SPATA16: variants seen among roughly 807,000 people sequenced by gnomAD.
SPATA16 encodes the protein spermatogenesis-associated protein 16.
A neutral mutation model predicts 63.3 loss-of-function variants in SPATA16; 36 were observed. The ratio of observed to expected loss-of-function variants is 0.57; its 90% confidence interval spans 0.44 to 0.75. The LOEUF (loss-of-function observed/expected upper bound fraction) is 0.75, where lower values mean the gene tolerates loss of function less well. Among genes scored for constraint, SPATA16 ranks in the 30% least tolerant of loss-of-function variants. The pLI is 0.00. For synonymous variants in SPATA16, 203 were observed against 216.7 expected (o/e 0.94, Z 0.56); for missense variants, 646 against 679.3 (o/e 0.95, Z 0.54).
Position 172,980,780 on chromosome 3 carries a change from A to C in SPATA16, c.849-3728T>G, listed in dbSNP as rs191528031. On this transcript the variant is annotated intron_variant, in intron 4 of 10. Coordinates refer to ENST00000351008, the MANE Select transcript of SPATA16 (RefSeq NM_031955.6). ...TGTTTCTTCCTTTTAAAAACAAAAC[A>C]AAATACCCCAAAAGCTTCTCTTGCT... is the stretch of plus-strand genomic sequence containing the variant. 4.9e-3 allele frequency among the ~76,000 whole-genome samples: 753 copies of C among 152,330 alleles called. 4 individuals carry two copies. Among genetic ancestry groups the C allele is most frequent in the African/African-American group, 0.017 (726 of 41,564 alleles).
intron 2 of SPATA16, among the ~76,000 whole-genome samples, chr3:173,079,441 A>G (rs1350223156): frequency 6.6e-6 from 1 of 152,098 alleles, no homozygotes; most frequent in African/African-American, 2.4e-5. Flanking sequence ...TATTGCTAAA[A>G]TAACATTTTT....
chr3:173,120,486 A>G (rs1006749391), intron 1 of SPATA16, among the ~76,000 whole-genome samples: 2 of 152,184 alleles, frequency 1.3e-5, no homozygotes, highest in African/African-American at 2.4e-5. Flanking sequence ...GATACCTCCC[A>G]GGTATCTTAT....
chr3:173,019,716 C>A, intron 3 of SPATA16, 141 bp from the exon 4 acceptor site: 3 of 740,224 alleles, frequency 4.1e-6, no homozygotes, highest in East Asian at 2.7e-5. Context: ...CCCTTCCCCG[C>A]CCCCCGTAAT....
intron 10 of SPATA16, among the ~76,000 whole-genome samples, chr3:172,897,495 T>G (rs537941964): frequency 6.6e-6 from 1 of 152,274 alleles, no homozygotes; most frequent in East Asian, 1.9e-4. Context: ...GGCATACAAT[T>G]CATGTAGATG....
At chr3:173,001,945 T>C (rs551470571) in intron 4 of SPATA16, among the ~76,000 whole-genome samples, 31 of 152,246 alleles carry the variant, frequency 2.0e-4, no homozygotes, top group Non-Finnish European at 3.7e-4. Context: ...TGGTATTTAC[T>C]CATATTGATT....
intron 1 of SPATA16, among the ~76,000 whole-genome samples, chr3:173,127,088 G>T (rs1487516053): frequency 6.6e-6 from 1 of 152,148 alleles, no homozygotes; most frequent in Non-Finnish European, 1.5e-5. Context: ...TTACAGAAAA[G>T]TTGTACGAAT....
At chr3:173,090,668 G>A (rs977978190) in intron 2 of SPATA16, among the ~76,000 whole-genome samples, 2 of 152,264 alleles carry the variant, frequency 1.3e-5, no homozygotes, top group East Asian at 1.9e-4. Context: ...ACTGAATTGC[G>A]GTAGCATTTT....
At chr3:172,893,616 T>G (rs887221694) in intron 10 of SPATA16, among the ~76,000 whole-genome samples, 1 of 152,226 alleles carries the variant, frequency 6.6e-6, no homozygotes, top group Non-Finnish European at 1.5e-5. Context: ...GGAAGAGCAA[T>G]TAAGTTATAA....
At chr3:172,929,384 T>G (rs1317315252) in intron 6 of SPATA16, among the ~76,000 whole-genome samples, 2 of 152,186 alleles carry the variant, frequency 1.3e-5, no homozygotes, top group Non-Finnish European at 2.9e-5. Context: ...AGAGAAAAGA[T>G]GTCAAACTTT....
intron 6 of SPATA16, among the ~76,000 whole-genome samples, chr3:172,952,310 A>G (rs147823257): frequency 2.2e-4 from 33 of 152,318 alleles, no homozygotes; most frequent in African/African-American, 7.7e-4. Context: ...AATATGTTAA[A>G]GTTACCAGAT....
At chr3:173,121,757 A>T (rs1271793029) in intron 1 of SPATA16, among the ~76,000 whole-genome samples, 2 of 152,202 alleles carry the variant, frequency 1.3e-5, no homozygotes, top group East Asian at 3.8e-4. Flanking sequence ...ATTTTTTTAA[A>T]AAGGTATGGA....
At chr3:173,033,800 G>A (rs1395533189) in intron 3 of SPATA16, among the ~76,000 whole-genome samples, 2 of 152,190 alleles carry the variant, frequency 1.3e-5, no homozygotes, top group African/African-American at 4.8e-5. Context: ...TGCCTCCCAA[G>A]TTCAAGCGAT....
chr3:172,915,939 A>G (rs749515024), intron 9 of SPATA16, among the ~76,000 whole-genome samples: 5 of 152,194 alleles, frequency 3.3e-5, no homozygotes, highest in Admixed American at 6.6e-5. Context: ...CTATACAGCA[A>G]TTACTCTTTT....
At chr3:173,046,241 A>G (rs1041814264) in intron 3 of SPATA16, among the ~76,000 whole-genome samples, 2 of 152,072 alleles carry the variant, frequency 1.3e-5, no homozygotes, top group Admixed American at 1.3e-4. Flanking sequence ...GGAGAGTCTG[A>G]GCATTACTTT....
At chr3:172,938,972 A>G (rs1733079081) in intron 6 of SPATA16, among the ~76,000 whole-genome samples, 1 of 151,986 alleles carries the variant, frequency 6.6e-6, no homozygotes, top group Non-Finnish European at 1.5e-5. Context: ...GCCAGAGCTA[A>G]CATTCTTTTC....
chr3:172,898,838 A>G (rs1258031036), intron 10 of SPATA16, among the ~76,000 whole-genome samples: 1 of 151,650 alleles, frequency 6.6e-6, no homozygotes, highest in Non-Finnish European at 1.5e-5. Flanking sequence ...TTTATAGTGT[A>G]TGCATTTAGT....
At chr3:172,946,300 G>A (rs1177057403) in intron 6 of SPATA16, among the ~76,000 whole-genome samples, 1 of 152,196 alleles carries the variant, frequency 6.6e-6, no homozygotes, top group Non-Finnish European at 1.5e-5. Flanking sequence ...GCCATGGGAA[G>A]AGATTCCTTC....
chr3:173,071,661 A>C (rs1736676718), intron 2 of SPATA16, among the ~76,000 whole-genome samples: 1 of 152,190 alleles, frequency 6.6e-6, no homozygotes, highest in African/African-American at 2.4e-5. Context: ...TCTGAGACAT[A>C]TTTCAAAAGA....
intron 5 of SPATA16, among the ~76,000 whole-genome samples, chr3:172,975,828 T>A (rs1734145718): frequency 6.6e-6 from 1 of 152,064 alleles, no homozygotes; most frequent in Admixed American, 6.6e-5. Context: ...GGAAATTGTG[T>A]ATGATAAACC....
Sources: gnomAD v4.1 joint callset for allele counts (sites outside exome capture counted in the v4.1 genomes callset) on GRCh38, gnomAD v4.1.1 for gene constraint, MANE v1.5 for transcripts, NCBI Gene and HGNC (gene_info 2026-07-23, HGNC 2026-07-21) for gene names.